Variants in MAML3 observed in about 807,000 individuals in gnomAD.
MAML3 encodes mastermind like transcriptional coactivator 3.
MAML3 carries 27 observed loss-of-function variants against 101.9 expected under a neutral mutation model. That is an observed-to-expected ratio of 0.27 (90% CI 0.20 to 0.37). The LOEUF (loss-of-function observed/expected upper bound fraction) is 0.37, where lower values mean the gene tolerates loss of function less well. MAML3 is among the 10% of genes least tolerant of loss of function. The pLI is 1.00. For synonymous variants in MAML3, 501 were observed against 555.9 expected (o/e 0.90, Z 1.39); for missense variants, 1,316 against 1,444.9 (o/e 0.91, Z 1.45).
Position 139,889,991 on chromosome 4 carries a change from A to G in MAML3, c.1445T>C (p.Met482Thr). ...AAQQQQRAKL[M>T]QQKQQQQQQQ... The stretch of plus-strand genomic sequence containing the variant: ...CTGTTGCTGTTGCTGTTTCTGCTGC[A>G]TGAGTTTGGCCCTTTGTTGCTGCTG... Residue 482 changes from methionine to threonine, a missense_variant, in exon 2 of 5, where the codon ATG becomes ACG. By Grantham distance (81) the Met-to-Thr change is moderately conservative. Transcript: ENST00000509479. The G allele has an allele frequency of 6.2e-7, 1 of 1,612,344 alleles. No homozygotes were observed. The highest frequency in any genetic ancestry group is 8.5e-7 in the Non-Finnish European group (1 of 1,179,184).
chr4:139,849,508 G>A (rs1731511354), intron 2 of MAML3, among the ~76,000 whole-genome samples: 2 of 152,166 alleles, frequency 1.3e-5, no homozygotes, highest in Non-Finnish European at 2.9e-5. Flanking sequence ...TGTGCTTCTG[G>A]GGTTGGCGCT....
intron 2 of MAML3, among the ~76,000 whole-genome samples, chr4:139,788,874 G>C (rs547356732): frequency 6.6e-6 from 1 of 152,328 alleles, no homozygotes; most frequent in South Asian, 2.1e-4. Context: ...TTGAGTTCTT[G>C]ATGACTTTGT....
In MAML3 at chr4:140,013,956, C is replaced by T. The variant is rs368951077; in HGVS notation, c.469-122989G>A. On this transcript the variant is annotated intron_variant, in intron 1 of 4. Transcript: ENST00000509479. ...TAGGAATGCGGTGTGGATCCCATTA[C>T]ACTTTCAGCTGTTCTGAAAGCACTT... is the stretch of plus-strand genomic sequence containing the variant. 1.4e-4 allele frequency among the ~76,000 whole-genome samples: 21 copies of T among 152,178 alleles called. No homozygotes were observed. The East Asian group carries it at 3.5e-3, about 25-fold the overall frequency.
intron 2 of MAML3, among the ~76,000 whole-genome samples, chr4:139,742,731 C>T (rs1373902249): frequency 6.6e-6 from 1 of 152,140 alleles, no homozygotes; most frequent in East Asian, 1.9e-4. Flanking sequence ...TGAAATGAGA[C>T]CCTAGAATAA....
intron 1 of MAML3, among the ~76,000 whole-genome samples, chr4:139,909,686 A>T (rs1426952733): frequency 6.6e-6 from 1 of 151,852 alleles, no homozygotes; most frequent in East Asian, 1.9e-4. Flanking sequence ...AAAATACAAA[A>T]ATTAGCTGGG....
chr4:139,844,123 C>T (rs1022834557), intron 2 of MAML3, among the ~76,000 whole-genome samples: 5 of 152,232 alleles, frequency 3.3e-5, no homozygotes, highest in African/African-American at 1.2e-4. Flanking sequence ...AGCTGCTACA[C>T]CTCTGGCTCT....
chr4:139,986,680 G>A (rs1578629879), intron 1 of MAML3, among the ~76,000 whole-genome samples: 1 of 151,724 alleles, frequency 6.6e-6, no homozygotes, highest in African/African-American at 2.4e-5. Flanking sequence ...CAAAAATAGA[G>A]GCCAAAGAGG....
chr4:140,085,940 A>G (rs931794965), intron 1 of MAML3, among the ~76,000 whole-genome samples: 2 of 152,120 alleles, frequency 1.3e-5, no homozygotes, highest in Non-Finnish European at 2.9e-5. Flanking sequence ...GCCAGTGGAA[A>G]ATTTATGCTT....
chr4:139,779,913 G>A lies in MAML3; in HGVS notation c.2080-49246C>T, dbSNP rs1386214081. The stretch of plus-strand genomic sequence containing the variant: ...CCGAATCTGTCACAGATCAGTCTTC[G>A]TTATGTTGTAGGGCGCAAGCCATAT... On this transcript the variant is annotated intron_variant, in intron 2 of 4. Coordinates refer to ENST00000509479, the MANE Select transcript of MAML3 (RefSeq NM_018717.5). 3.9e-5 allele frequency among the ~76,000 whole-genome samples: 6 copies of A among 152,294 alleles called. No individual in the cohort carries two copies. The East Asian group carries it at 1.2e-3, about 29-fold the overall frequency.
chr4:140,047,546 G>A (rs1727202125), intron 1 of MAML3, among the ~76,000 whole-genome samples: 1 of 152,200 alleles, frequency 6.6e-6, no homozygotes, highest in Non-Finnish European at 1.5e-5. Flanking sequence ...CAAACTCTCA[G>A]CACAGGGCTG....
At chr4:139,887,210 GAT>G (rs1300456750) in intron 2 of MAML3, among the ~76,000 whole-genome samples, 1 of 152,152 alleles carries the variant, frequency 6.6e-6, no homozygotes, top group Non-Finnish European at 1.5e-5. Flanking sequence ...AGAAATAAAT[GAT>G]ATGTTTGCAG....
intron 2 of MAML3, among the ~76,000 whole-genome samples, chr4:139,854,461 G>C (rs2111158832): frequency 6.7e-6 from 1 of 148,626 alleles, no homozygotes; most frequent in East Asian, 2.0e-4. Context: ...AGTGTGCCCA[G>C]GGACAGGCAT....
intron 2 of MAML3, among the ~76,000 whole-genome samples, chr4:139,873,218 G>A (rs1732049178): frequency 6.6e-6 from 1 of 152,096 alleles, no homozygotes; most frequent in African/African-American, 2.4e-5. Context: ...TTTGATATCA[G>A]GTCCAGGACT....
At chr4:139,968,189 T>C (rs902687042) in intron 1 of MAML3, among the ~76,000 whole-genome samples, 20 of 150,872 alleles carry the variant, frequency 1.3e-4, no homozygotes, top group Admixed American at 1.1e-3. Flanking sequence ...CTTTATACAA[T>C]GACATTTTTA....
intron 1 of MAML3, among the ~76,000 whole-genome samples, chr4:140,118,817 T>C (rs1728555873): frequency 6.6e-6 from 1 of 152,148 alleles, no homozygotes; most frequent in African/African-American, 2.4e-5. Context: ...AAAAATAACA[T>C]GCGTAAGAGC....
chr4:139,832,282 A>ATT (rs201908555), intron 2 of MAML3, among the ~76,000 whole-genome samples: 4 of 140,854 alleles, frequency 2.8e-5, no homozygotes, highest in African/African-American at 5.4e-5. Flanking sequence ...TTTTTTTTTT[A>ATT]TTTTTATTTT....
chr4:140,009,413 T>C (rs1726512442), intron 1 of MAML3, among the ~76,000 whole-genome samples: 1 of 152,250 alleles, frequency 6.6e-6, no homozygotes, highest in South Asian at 2.1e-4. Context: ...TAGTCTGTAC[T>C]ACAGTCCAGT....
At chr4:140,100,646 TA>T (rs112694604) in intron 1 of MAML3, among the ~76,000 whole-genome samples, 551 of 144,338 alleles carry the variant, frequency 3.8e-3, no homozygotes, top group Non-Finnish European at 4.1e-3. Context: ...TTAGGTGTAT[TA>T]AAAAAAAAAA....
intron 2 of MAML3, among the ~76,000 whole-genome samples, chr4:139,881,097 A>T (rs1429579094): frequency 6.6e-6 from 1 of 152,186 alleles, no homozygotes; most frequent in Non-Finnish European, 1.5e-5. Flanking sequence ...AAGACTTAGG[A>T]ACCAGAGGCA....
Sources: gnomAD v4.1 joint callset for allele counts (sites outside exome capture counted in the v4.1 genomes callset) on GRCh38, gnomAD v4.1.1 for gene constraint, MANE v1.5 for transcripts, NCBI Gene and HGNC (gene_info 2026-07-23, HGNC 2026-07-21) for gene names.